The following NKX1-2 variants were observed in gnomAD, a reference collection of about 807,000 sequenced individuals.
The protein encoded by NKX1-2 is NK1 transcription factor-related protein 2.
NKX1-2 carries 1 observed loss-of-function variant against 4.4 expected under a neutral mutation model. That is an observed-to-expected ratio of 0.23 (90% CI 0.08 to 1.08). NKX1-2 has a LOEUF of 1.08. Ranked by LOEUF, NKX1-2 falls within the 50% of genes least tolerant of loss-of-function variation. The probability of loss-of-function intolerance (pLI) is 0.55; values close to 1 mark genes in which losing one functional copy is unlikely to be tolerated. For synonymous variants in NKX1-2, 235 were observed against 228.0 expected (o/e 1.03, Z -0.28); for missense variants, 503 against 464.6 (o/e 1.08, Z -0.76).
Position 124,448,322 on chromosome 10 carries a change from G to T in NKX1-2, c.215-175C>A. 1 of 1,075,360 alleles carries T rather than the reference G, an allele frequency of 9.3e-7. No individual in the cohort carries two copies. Among genetic ancestry groups the T allele is most frequent in the Non-Finnish European group, 1.2e-6 (1 of 832,710 alleles). The allele number at this position is 1,075,360 out of a possible 1,614,324, so 66.6% of individuals were successfully genotyped here. A position where few individuals can be genotyped will look rare whatever the true frequency, so the allele number is the denominator to read the frequency against. ...CCTCGCCAGCGGGTTTAGGGGAATG[G>T]TGTCCTCTTGCCCTTTACAAATCTG... On this transcript the variant is annotated intron_variant, in intron 1 of 1. Transcript: ENST00000451024. This position sits in a 1 kb window ranked among gnomAD's most constrained non-coding sequence, Gnocchi z 4.1.
At position 124,447,559 on chromosome 10, in the gene NKX1-2, G is replaced by A; in HGVS notation, c.803C>T (p.Ser268Phe). 7.8e-7 allele frequency: 1 copy of A among 1,275,420 alleles called. No homozygotes were observed. The highest frequency in any genetic ancestry group is 3.1e-5 in the East Asian group (1 of 32,362). 79.0% of individuals were successfully genotyped at this position (1,275,420 alleles called of 1,614,324 possible). The change falls in exon 2 of 2, where the codon TCC becomes TTC. Residue 268 changes from serine to phenylalanine, a missense_variant. Physicochemically the swap from Ser to Phe is radical, Grantham distance 155. Coordinates refer to ENST00000451024, the MANE Select transcript of NKX1-2 (RefSeq NM_001146340.3). The part of the protein sequence containing the change: ...TGALHFQTFP[S>F]YSAANVLFPS... ...GAAGAGGACATTGGCCGCGGAGTAG[G>A]AGGGGAAAGTCTGGAAGTGCAGAGC...
rs1341164687 is a variant in NKX1-2, at chr10:124,449,737, C to A, written c.207G>T (p.Glu69Asp). 3.2e-6 allele frequency: 5 copies of A among 1,550,768 alleles called. No individual in the cohort carries two copies. The highest frequency in any genetic ancestry group is 2.7e-5 in the African/African-American group (2 of 73,044). Reference protein sequence around the residue: ...ASSRDPVRQLETPDAAGPGAG... With the variant: ...ASSRDPVRQLDTPDAAGPGAG... ...GGCCGCCTTGCATCTTACCAGGGGT[C>A]TCCAGCTGTCGGACAGGGTCCCTGG... The change falls in exon 1 of 2, where the codon GAG (glutamate) becomes GAT (aspartate). Residue 69 changes from glutamate (E) to aspartate (D), a missense_variant. By Grantham distance (45) the Glu-to-Asp change is conservative. Transcript: ENST00000451024. This position sits in a 1 kb window ranked among gnomAD's most constrained non-coding sequence, Gnocchi z 7.5.
chr10:124,447,880 G>A lies in NKX1-2; in HGVS notation c.482C>T (p.Ala161Val), dbSNP rs1952258745. ...PRRRRLEPNC[A>V]KPRRARTAFT... ...GGCGGTGCGCGCGCGCCGCGGCTTGGCGCAGTTGGGCTCCAGGCGCCGGCG... is the reference window on the plus strand; with the variant it reads ...GGCGGTGCGCGCGCGCCGCGGCTTGACGCAGTTGGGCTCCAGGCGCCGGCG... The change falls in exon 2 of 2, where the codon GCC (alanine) becomes GTC (valine). Residue 161 changes from alanine to valine, a missense_variant. By Grantham distance (64) the Ala-to-Val change is moderately conservative. Coordinates refer to ENST00000451024, the MANE Select transcript of NKX1-2 (RefSeq NM_001146340.3). 2.8e-6 allele frequency: 4 copies of A among 1,444,642 alleles called. No individual in the cohort carries two copies. The highest frequency in any genetic ancestry group is 2.7e-6 in the Non-Finnish European group (3 of 1,091,930). 89.5% of individuals were successfully genotyped at this position (1,444,642 alleles called of 1,614,324 possible).
In NKX1-2 at chr10:124,449,290, T is replaced by C. The variant is rs1952274995; in HGVS notation, c.214+440A>G. Among the ~76,000 whole-genome samples, 1 of 152,184 alleles carries C rather than the reference T, an allele frequency of 6.6e-6. No individual in the cohort carries two copies. On this transcript the variant is annotated intron_variant, in intron 1 of 1. Coordinates refer to ENST00000451024, the MANE Select transcript of NKX1-2 (RefSeq NM_001146340.3). The surrounding 1 kb of genome is among the most constrained non-coding windows in gnomAD (Gnocchi z 7.5). ...TCACGAAGACCCCCGGCGCAAGCCT[T>C]AGCGTCAGCTCCCCCATCCATAAAA...
rs1434535777 is a variant in NKX1-2, at chr10:124,445,707, A to T, written c.*1722T>A. 6.6e-6 allele frequency: 1 copy of T among 152,240 alleles called. No homozygotes were observed. Among genetic ancestry groups the T allele is most frequent in the Non-Finnish European group, 1.5e-5 (1 of 68,042 alleles). The allele number at this position is 152,240 out of a possible 1,614,324, so 9.4% of individuals were successfully genotyped here. ...ATCTGGCACCAACTGTCTTTTAGAA[A>T]GTTACAATGTGTTGTTTGGGGGACA... On this transcript the variant is annotated 3_prime_UTR_variant, in exon 2 of 2. Transcript: ENST00000451024.
rs1364560227 is a variant in NKX1-2, at chr10:124,447,696, G to A, written c.666C>T (p.Asn222=). ...QNRRTKWKKQ[N]PGADGAAQVG... is the part of the protein sequence containing the mutation. Reference sequence around the variant, plus strand: ...CCTGCGCCGCGCCGTCGGCACCCGGGTTCTGCTTCTTCCACTTGGTCCTGC... The same window carrying A: ...CCTGCGCCGCGCCGTCGGCACCCGGATTCTGCTTCTTCCACTTGGTCCTGC... Residue 222 remains asparagine, a synonymous_variant, in exon 2 of 2, where the codon AAC becomes AAT. Coordinates refer to ENST00000451024, the MANE Select transcript of NKX1-2 (RefSeq NM_001146340.3). 6.9e-7 allele frequency: 1 copy of A among 1,444,184 alleles called. No individual in the cohort carries two copies. The highest frequency in any genetic ancestry group is 9.2e-7 in the Non-Finnish European group (1 of 1,088,386). 89.5% of individuals were successfully genotyped at this position (1,444,184 alleles called of 1,614,324 possible). A position where few individuals can be genotyped will look rare whatever the true frequency, so the allele number is the denominator to read the frequency against.
In NKX1-2 at chr10:124,447,933, C is replaced by CG. The variant is rs918341173; in HGVS notation, c.428dup (p.Ser145IlefsTer250). On this transcript the variant is annotated frameshift_variant, in exon 2 of 2. Coordinates refer to ENST00000451024, the MANE Select transcript of NKX1-2 (RefSeq NM_001146340.3). LOFTEE classifies it low-confidence loss of function (END_TRUNC). ...TGGGACGCGGGGAGCCGGGGGATCC[C>CG]GGGGGGGACCTCACAGGGCCGCCCC... 1.3e-5 allele frequency: 18 copies of CG among 1,394,126 alleles called. No homozygotes were observed. The highest frequency in any genetic ancestry group is 4.8e-5 in the South Asian group (3 of 63,020). 86.4% of individuals were successfully genotyped at this position (1,394,126 alleles called of 1,614,324 possible).
Position 124,447,498 on chromosome 10 carries a change from G to C in NKX1-2, c.864C>G (p.Ala288=). ...SAASFPLTAA[A]PGSPFAPFLG... ...GGAACGGCGCGAAAGGGCTCCCGGG[G>C]GCGGCAGCCGTCAGCGGGAAGGAGG... The change falls in exon 2 of 2, where the codon GCC becomes GCG. Residue 288 remains alanine (A), a synonymous_variant. Transcript: ENST00000451024. 1 of 1,272,230 alleles carries C rather than the reference G, an allele frequency of 7.9e-7. No individual in the cohort carries two copies. The highest frequency in any genetic ancestry group is 9.9e-7 in the Non-Finnish European group (1 of 1,005,374). 78.8% of individuals were successfully genotyped at this position (1,272,230 alleles called of 1,614,324 possible).
In NKX1-2 at chr10:124,448,242, C is replaced by A. The variant is rs3851563; in HGVS notation, c.215-95G>T. 1.9e-4 allele frequency: 249 copies of A among 1,339,976 alleles called. 1 individual carries two copies. In the African/African-American group the frequency reaches 3.5e-3, roughly 19 times the overall value. 83.0% of individuals were successfully genotyped at this position (1,339,976 alleles called of 1,614,324 possible). ...GCAAGCAGCTGTCCCCCCAACCCAACTCTGGGTGCTGCTCCTGTCCCCACA... is the reference window on the plus strand; with the variant it reads ...GCAAGCAGCTGTCCCCCCAACCCAAATCTGGGTGCTGCTCCTGTCCCCACA... On this transcript the variant is annotated intron_variant, in intron 1 of 1. Coordinates refer to ENST00000451024, the MANE Select transcript of NKX1-2 (RefSeq NM_001146340.3). This position sits in a 1 kb window ranked among gnomAD's most constrained non-coding sequence, Gnocchi z 4.1.
rs1333280055 is a variant in NKX1-2 at position 124,445,536 on chromosome 10, T to G, written c.*1893A>C. The G allele has an allele frequency of 3.3e-5, 5 of 152,244 alleles. No homozygotes were observed. The highest frequency in any genetic ancestry group is 7.3e-5 in the Non-Finnish European group (5 of 68,042). 9.4% of individuals were successfully genotyped at this position (152,244 alleles called of 1,614,324 possible). Reference sequence around the variant, plus strand: ...TTCCCATTTATTACAGAATTCAGCTTCTTTGTTACAGAGGAATTGTCACAT... The same window carrying G: ...TTCCCATTTATTACAGAATTCAGCTGCTTTGTTACAGAGGAATTGTCACAT... On this transcript the variant is annotated 3_prime_UTR_variant, in exon 2 of 2. Transcript: ENST00000451024.
chr10:124,446,898 G>A lies in NKX1-2; in HGVS notation c.*531C>T, dbSNP rs1024754965. The A allele has an allele frequency of 3.3e-5, 5 of 152,454 alleles. No homozygotes were observed. The highest frequency in any genetic ancestry group is 7.3e-5 in the Non-Finnish European group (5 of 68,238). The allele number at this position is 152,454 out of a possible 1,614,324, so 9.4% of individuals were successfully genotyped here. A position where few individuals can be genotyped will look rare whatever the true frequency, so the allele number is the denominator to read the frequency against. On this transcript the variant is annotated 3_prime_UTR_variant, in exon 2 of 2. Coordinates refer to ENST00000451024, the MANE Select transcript of NKX1-2 (RefSeq NM_001146340.3). ...TGCATTTTAAAAATAGTCCGTTTCA[G>A]AGCGGCCGTCTGTGCTCCAGGACCA...
At position 124,449,616 on chromosome 10, in the gene NKX1-2, T is replaced by C. The variant is rs1338316542; in HGVS notation, c.214+114A>G. 4 of 838,898 alleles carry C rather than the reference T, an allele frequency of 4.8e-6. No homozygotes were observed. The highest frequency in any genetic ancestry group is 5.9e-6 in the Non-Finnish European group (3 of 509,242). The allele number at this position is 838,898 out of a possible 1,614,324, so 52.0% of individuals were successfully genotyped here. A position where few individuals can be genotyped will look rare whatever the true frequency, so the allele number is the denominator to read the frequency against. ...CACTTCGCACCCGGTCCCGTGCGCC[T>C]TCTCTCTGAGGAAGACGCTGTTAAG... On this transcript the variant is annotated intron_variant, in intron 1 of 1. Coordinates refer to ENST00000451024, the MANE Select transcript of NKX1-2 (RefSeq NM_001146340.3). The surrounding 1 kb of genome is among the most constrained non-coding windows in gnomAD (Gnocchi z 7.5).
rs1104647 is a variant in NKX1-2, at chr10:124,446,608, G to C, written c.*821C>G. 6.6e-6 allele frequency: 1 copy of C among 151,938 alleles called. No homozygotes were observed. The highest frequency in any genetic ancestry group is 2.1e-4 in the South Asian group (1 of 4,832). 9.4% of individuals were successfully genotyped at this position (151,938 alleles called of 1,614,324 possible). On this transcript the variant is annotated 3_prime_UTR_variant, in exon 2 of 2. Transcript: ENST00000451024. ...ACTTCATGATATTAGTTGAGCCATC[G>C]CTGCCTTCATTATCATTTTTATGCC...
chr10:124,449,718 C>T lies in NKX1-2; in HGVS notation c.214+12G>A. ...TGAGGCCTCCTGGGGCCGGGGCCGC[C>T]TTGCATCTTACCAGGGGTCTCCAGC... On this transcript the variant is annotated intron_variant, in intron 1 of 1. Coordinates refer to ENST00000451024, the MANE Select transcript of NKX1-2 (RefSeq NM_001146340.3). The surrounding 1 kb of genome is among the most constrained non-coding windows in gnomAD (Gnocchi z 7.5). The T allele has an allele frequency of 1.3e-6, 2 of 1,546,354 alleles. No individual in the cohort carries two copies. The highest frequency in any genetic ancestry group is 1.2e-5 in the South Asian group (1 of 83,946).
At position 124,445,679 on chromosome 10, in the gene NKX1-2, C is replaced by G. The variant is rs898424629; in HGVS notation, c.*1750G>C. ...CTAGTAGAGTAACTGCATTTTTAAT[C>G]TCATCTGGCACCAACTGTCTTTTAG... On this transcript the variant is annotated 3_prime_UTR_variant, in exon 2 of 2. Transcript: ENST00000451024. 3.9e-5 allele frequency: 6 copies of G among 152,122 alleles called. No individual in the cohort carries two copies. The highest frequency in any genetic ancestry group is 1.4e-4 in the African/African-American group (6 of 41,412). 9.4% of individuals were successfully genotyped at this position (152,122 alleles called of 1,614,324 possible).
chr10:124,448,347 G>A lies in NKX1-2; in HGVS notation c.215-200C>T, dbSNP rs1952265714. 2 of 829,474 alleles carry A rather than the reference G, an allele frequency of 2.4e-6. No individual in the cohort carries two copies. The highest frequency in any genetic ancestry group is 3.2e-6 in the Non-Finnish European group (2 of 618,152). 51.4% of individuals were successfully genotyped at this position (829,474 alleles called of 1,614,324 possible). A position where few individuals can be genotyped will look rare whatever the true frequency, so the allele number is the denominator to read the frequency against. On this transcript the variant is annotated intron_variant, in intron 1 of 1. Transcript: ENST00000451024. The surrounding 1 kb of genome is among the most constrained non-coding windows in gnomAD (Gnocchi z 4.1). Reference sequence around the variant, plus strand: ...GTGTCCTCTTGCCCTTTACAAATCTGCCATCAAGTAGGCGTCCAAGAAATG... The same window carrying A: ...GTGTCCTCTTGCCCTTTACAAATCTACCATCAAGTAGGCGTCCAAGAAATG...
In NKX1-2 at chr10:124,449,420, T is replaced by A. The variant is rs912758931; in HGVS notation, c.214+310A>T. 4 of 626,360 alleles carry A rather than the reference T, an allele frequency of 6.4e-6. No individual in the cohort carries two copies. The highest frequency in any genetic ancestry group is 1.2e-5 in the Non-Finnish European group (4 of 335,960). The allele number at this position is 626,360 out of a possible 1,614,324, so 38.8% of individuals were successfully genotyped here. On this transcript the variant is annotated intron_variant, in intron 1 of 1. Transcript: ENST00000451024. The surrounding 1 kb of genome is among the most constrained non-coding windows in gnomAD (Gnocchi z 7.5). Reference sequence around the variant, plus strand: ...CCTAGCACGTGGCAAGCGCATTAAATGCCCGATAAATGAGTAAGCCTGGCA... The same window carrying A: ...CCTAGCACGTGGCAAGCGCATTAAAAGCCCGATAAATGAGTAAGCCTGGCA...
At position 124,449,678 on chromosome 10, in the gene NKX1-2, C is replaced by A. The variant is rs1352491134; in HGVS notation, c.214+52G>T. 1 of 1,344,338 alleles carries A rather than the reference C, an allele frequency of 7.4e-7. No homozygotes were observed. The highest frequency in any genetic ancestry group is 1.0e-6 in the Non-Finnish European group (1 of 961,676). 83.3% of individuals were successfully genotyped at this position (1,344,338 alleles called of 1,614,324 possible). On this transcript the variant is annotated intron_variant, in intron 1 of 1. Transcript: ENST00000451024. This position sits in a 1 kb window ranked among gnomAD's most constrained non-coding sequence, Gnocchi z 7.5. ...GGGCCCGGCTGTTCCCCCATACACT[C>A]CGCATTGTTGGGGCTGAGGCCTCCT...
At position 124,447,692 on chromosome 10, in the gene NKX1-2, C is replaced by A. The variant is rs933895364; in HGVS notation, c.670G>T (p.Gly224Cys). 1.4e-6 allele frequency: 2 copies of A among 1,433,344 alleles called. No individual in the cohort carries two copies. The highest frequency in any genetic ancestry group is 6.2e-5 in the East Asian group (2 of 32,412). The allele number at this position is 1,433,344 out of a possible 1,614,324, so 88.8% of individuals were successfully genotyped here. ...RRTKWKKQNP[G>C]ADGAAQVGGG... ...CCCACCTGCGCCGCGCCGTCGGCAC[C>A]CGGGTTCTGCTTCTTCCACTTGGTC... The change falls in exon 2 of 2, where the codon GGT (glycine) becomes TGT (cysteine). Residue 224 changes from glycine to cysteine, a missense_variant. By Grantham distance (159) the Gly-to-Cys change is radical. Coordinates refer to ENST00000451024, the MANE Select transcript of NKX1-2 (RefSeq NM_001146340.3).
Sources: allele counts gnomAD v4.1 joint callset (sites outside exome capture counted in the v4.1 genomes callset), GRCh38; gene constraint gnomAD v4.1.1; non-coding constraint Gnocchi (gnomAD v3.1); transcripts MANE v1.5; gene names NCBI Gene and HGNC (gene_info 2026-07-23, HGNC 2026-07-21).